MGST1: variants seen among roughly 807,000 people sequenced by gnomAD.
MGST1 encodes the protein microsomal glutathione S-transferase 1.
In MGST1, 5 loss-of-function variants were observed where a neutral mutation model predicts 8.9. The ratio of observed to expected loss-of-function variants is 0.56; its 90% CI spans 0.29 to 1.19. The LOEUF (loss-of-function observed/expected upper bound fraction) is 1.19, where lower values mean the gene tolerates loss of function less well. MGST1 is among the 50% of genes most tolerant of loss of function. The probability of loss-of-function intolerance (pLI) is 0.08; values close to 1 mark genes in which losing one functional copy is unlikely to be tolerated. For synonymous variants in MGST1, 54 were observed against 67.8 expected (o/e 0.80, Z 1.00); for missense variants, 182 against 187.4 (o/e 0.97, Z 0.17).
chr12:16,522,662 C>A (rs1163096176), intron 4 of MGST1, among the ~76,000 whole-genome samples: 2 of 152,214 alleles, frequency 1.3e-5, no homozygotes. Flanking sequence ...CCCTTCATAA[C>A]ACAGGGTGAG....
At chr12:16,528,138 A>G (rs556591674) in intron 4 of MGST1, among the ~76,000 whole-genome samples, 6 of 152,168 alleles carry the variant, frequency 3.9e-5, no homozygotes, top group African/African-American at 1.4e-4. Flanking sequence ...CAAAATAATT[A>G]ATTCCAAATC....
rs775869958 is a variant in MGST1, at chr12:16,357,714, C to T, written c.221+15C>T. 2.5e-6 allele frequency: 4 copies of T among 1,597,018 alleles called. No individual in the cohort carries two copies. The highest frequency in any genetic ancestry group is 2.6e-6 in the Non-Finnish European group (3 of 1,169,288). Reference sequence around the variant, plus strand: ...CGTGTACGCAGGTAAACCAGTGTCTCTTGAAATTACTTACTTTATGAAACA... The same window carrying T: ...CGTGTACGCAGGTAAACCAGTGTCTTTTGAAATTACTTACTTTATGAAACA... On this transcript the variant is annotated intron_variant, in intron 3 of 3. Coordinates refer to ENST00000396210, the MANE Select transcript of MGST1 (RefSeq NM_020300.5).
At chr12:16,552,865 G>A (rs1942042916) in intron 4 of MGST1, among the ~76,000 whole-genome samples, 1 of 152,032 alleles carries the variant, frequency 6.6e-6, no homozygotes. Context: ...GTTTGTGCAA[G>A]CCAGTTTGAT....
intron 1 of MGST1, among the ~76,000 whole-genome samples, chr12:16,422,812 G>GC (rs1174929580): frequency 1.3e-5 from 2 of 152,060 alleles, no homozygotes; most frequent in African/African-American, 4.8e-5. Flanking sequence ...TTATGAGAAG[G>GC]CCCCTTTCCT....
chr12:16,496,860 A>G (rs1368568250), intron 4 of MGST1, among the ~76,000 whole-genome samples: 3 of 152,180 alleles, frequency 2.0e-5, no homozygotes, highest in Non-Finnish European at 4.4e-5. Flanking sequence ...ACAGGAAAAA[A>G]AATAAAAAGA....
At chr12:16,395,902 G>A (rs1940601879) in intron 1 of MGST1, among the ~76,000 whole-genome samples, 1 of 151,170 alleles carries the variant, frequency 6.6e-6, no homozygotes, top group Admixed American at 6.6e-5. Context: ...GAATTGTGCT[G>A]CTATAAACAT....
At chr12:16,496,873 A>G (rs770432798) in intron 4 of MGST1, among the ~76,000 whole-genome samples, 23 of 152,146 alleles carry the variant, frequency 1.5e-4, no homozygotes, top group Non-Finnish European at 2.8e-4. Flanking sequence ...TAAAAAGAAA[A>G]CATATAGGAG....
At chr12:16,485,301 G>T (rs940395240) in intron 4 of MGST1, among the ~76,000 whole-genome samples, 3 of 152,170 alleles carry the variant, frequency 2.0e-5, no homozygotes, top group South Asian at 4.1e-4. Flanking sequence ...CGATTTAGAA[G>T]TGTAACGTTC....
At chr12:16,414,218 A>G (rs1224458976) in intron 1 of MGST1, among the ~76,000 whole-genome samples, 2 of 151,894 alleles carry the variant, frequency 1.3e-5, no homozygotes, top group South Asian at 2.1e-4. Flanking sequence ...AGTTTTATGT[A>G]TACTGATTTA....
At chr12:16,391,323 C>G (rs1313425228) in intron 1 of MGST1, among the ~76,000 whole-genome samples, 1 of 151,396 alleles carries the variant, frequency 6.6e-6, no homozygotes, top group East Asian at 1.9e-4. Context: ...CCTTTCCCCC[C>G]ACCCCCCGAC....
At chr12:16,481,378 T>G (rs1280242997) in intron 4 of MGST1, among the ~76,000 whole-genome samples, 1 of 152,068 alleles carries the variant, frequency 6.6e-6, no homozygotes, top group Non-Finnish European at 1.5e-5. Context: ...ACTAAATATT[T>G]TAAAATGGAA....
In MGST1 at chr12:16,551,274, G is replaced by A. The variant is rs145877643; in HGVS notation, n.483-38254G>A. 3.5e-5 allele frequency: 57 copies of A among 1,612,854 alleles called. No individual in the cohort carries two copies. The highest frequency in any genetic ancestry group is 4.5e-5 in the East Asian group (2 of 44,862). ...TTTCATTAAACCTTCCTCGTAGTCCGTCTGGCAAAGGATCATGTTATTCTT... is the reference window on the plus strand; with the variant it reads ...TTTCATTAAACCTTCCTCGTAGTCCATCTGGCAAAGGATCATGTTATTCTT... On this transcript the variant is annotated intron_variant and non_coding_transcript_variant, in intron 4 of 4. Coordinates refer to the MGST1 transcript ENST00000538857.
intron 4 of MGST1, among the ~76,000 whole-genome samples, chr12:16,473,776 G>T (rs1467895828): frequency 6.6e-6 from 1 of 152,150 alleles, no homozygotes; most frequent in Non-Finnish European, 1.5e-5. Flanking sequence ...AGCTACTTGG[G>T]AGGCTGAGGC....
chr12:16,492,142 A>G (rs1565464001), intron 4 of MGST1, among the ~76,000 whole-genome samples: 1 of 152,244 alleles, frequency 6.6e-6, no homozygotes, highest in African/African-American at 2.4e-5. Context: ...AATGATATGT[A>G]GGATGGTAGA....
At chr12:16,449,902 G>A (rs540384300) in intron 4 of MGST1, among the ~76,000 whole-genome samples, 1 of 151,878 alleles carries the variant, frequency 6.6e-6, no homozygotes, top group Non-Finnish European at 1.5e-5. Context: ...GGAATTGTGG[G>A]AACTTTTATT....
chr12:16,513,008 AGT>A lies in MGST1; in HGVS notation n.483-76517_483-76516del, dbSNP rs1941586355. On this transcript the variant is annotated intron_variant and non_coding_transcript_variant, in intron 4 of 4. Transcript: ENST00000538857. The surrounding 1 kb of genome is among the most constrained non-coding windows in gnomAD (Gnocchi z 4.2). ...AACCGTCTCTAGGGACCTCAGAGTA[AGT>A]GTTTGTAACTAATCTACTTTTCCTC... 6.6e-6 allele frequency among the ~76,000 whole-genome samples: 1 copy of A among 152,222 alleles called. No individual in the cohort carries two copies. The highest frequency in any genetic ancestry group is 2.4e-5 in the African/African-American group (1 of 41,460).
At chr12:16,567,758 G>C (rs1306730240) in intron 4 of MGST1, among the ~76,000 whole-genome samples, 1 of 151,968 alleles carries the variant, frequency 6.6e-6, no homozygotes. Flanking sequence ...TTGGTAAGTT[G>C]GTATTTTAAG....
chr12:16,565,441 AG>A (rs1942567730), intron 4 of MGST1, among the ~76,000 whole-genome samples: 1 of 152,210 alleles, frequency 6.6e-6, no homozygotes. Context: ...CAACTTAAAA[AG>A]TTAGCCCATT....
At chr12:16,399,119 C>A (rs1940630665) in intron 1 of MGST1, among the ~76,000 whole-genome samples, 1 of 152,082 alleles carries the variant, frequency 6.6e-6, no homozygotes, top group South Asian at 2.1e-4. Flanking sequence ...TGGAATGCTC[C>A]GAGTAGATTG....
Sources: allele counts gnomAD v4.1 joint callset (sites outside exome capture counted in the v4.1 genomes callset), GRCh38; gene constraint gnomAD v4.1.1; non-coding constraint Gnocchi (gnomAD v3.1); transcripts MANE v1.5; gene names NCBI Gene and HGNC (gene_info 2026-07-23, HGNC 2026-07-21).